The following MBNL1 variants were observed in gnomAD, a reference collection of about 807,000 sequenced individuals.
MBNL1 encodes muscleblind-like protein 1.
MBNL1 carries 8 observed loss-of-function variants against 42.2 expected under a neutral mutation model. That is an observed-to-expected ratio of 0.19 (90% CI 0.11 to 0.34). The LOEUF (loss-of-function observed/expected upper bound fraction) is 0.34, where lower values mean the gene tolerates loss of function less well. Among genes scored for constraint, MBNL1 ranks in the 10% least tolerant of loss-of-function variants. MBNL1 has a pLI of 1.00. For missense variants in MBNL1, 309 were observed against 495.3 expected, an observed-to-expected ratio of 0.62 and a Z score of 3.57; for synonymous variants, 169 against 173.9, an observed-to-expected ratio of 0.97 and a Z score of 0.22.
In MBNL1 at chr3:152,353,469, A is replaced by G. The variant is rs146269576; in HGVS notation, c.174+53102A>G. Reference sequence around the variant, plus strand: ...ATAGTGCGTAGGAATTGACCAAGCCACTAGGTGATTTGTCTCCTTTTTTGT... The same window carrying G: ...ATAGTGCGTAGGAATTGACCAAGCCGCTAGGTGATTTGTCTCCTTTTTTGT... On this transcript the variant is annotated intron_variant, in intron 2 of 9. Transcript: ENST00000324210. 6.6e-5 allele frequency among the ~76,000 whole-genome samples: 10 copies of G among 152,316 alleles called. No individual in the cohort carries two copies. The East Asian group carries it at 1.2e-3, about 18-fold the overall frequency.
At chr3:152,309,351 C>G (rs1378665056) in intron 2 of MBNL1, among the ~76,000 whole-genome samples, 2 of 152,106 alleles carry the variant, frequency 1.3e-5, no homozygotes, top group Non-Finnish European at 2.9e-5. Flanking sequence ...CTGAAGCTGT[C>G]TAGATTTATT....
intron 3 of MBNL1, among the ~76,000 whole-genome samples, chr3:152,431,696 T>G (rs1344547840): frequency 1.3e-5 from 2 of 152,172 alleles, no homozygotes; most frequent in Non-Finnish European, 2.9e-5. Context: ...GCTTTTGTGT[T>G]TCAGAAACAA....
chr3:152,391,836 C>A (rs139310138), intron 2 of MBNL1, among the ~76,000 whole-genome samples: 245 of 152,296 alleles, frequency 1.6e-3, no homozygotes, highest in African/African-American at 5.6e-3. Flanking sequence ...CTCTGGCTTG[C>A]TGAATCTGTC....
chr3:152,310,960 G>A (rs1359010118), intron 2 of MBNL1, among the ~76,000 whole-genome samples: 1 of 142,840 alleles, frequency 7.0e-6, no homozygotes, highest in African/African-American at 2.6e-5. Context: ...AATCACAAAA[G>A]TAGTATAACT....
chr3:152,349,428 C>T lies in MBNL1; in HGVS notation c.174+49061C>T, dbSNP rs189485386. ...ACATATCTTATTTTTAAAAGAATAG[C>T]TGAATGTGACATATCCATGGCATGT... On this transcript the variant is annotated intron_variant, in intron 2 of 9. Coordinates refer to ENST00000324210, the MANE Select transcript of MBNL1 (RefSeq NM_021038.5). Among the ~76,000 whole-genome samples, 12 of 151,922 alleles carry T rather than the reference C, an allele frequency of 7.9e-5. No homozygotes were observed. In the East Asian group the frequency reaches 2.1e-3, roughly 27 times the overall value.
At chr3:152,372,962 T>G (rs2096736422) in intron 2 of MBNL1, among the ~76,000 whole-genome samples, 1 of 152,192 alleles carries the variant, frequency 6.6e-6, no homozygotes, top group South Asian at 2.1e-4. Context: ...AGCCCCTGAC[T>G]GGGGCTGCTG....
intron 2 of MBNL1, among the ~76,000 whole-genome samples, chr3:152,383,269 A>C (rs2097261932): frequency 6.6e-6 from 1 of 152,068 alleles, no homozygotes; most frequent in Non-Finnish European, 1.5e-5. Context: ...ATTCTTACAA[A>C]GTCCACCAAA....
intron 1 of MBNL1, 161 bp downstream of exon 1, chr3:152,269,253 A>C: frequency 3.2e-6 from 1 of 315,366 alleles, no homozygotes; most frequent in South Asian, 2.3e-5. Context: ...GTCCCTCAGC[A>C]CCTCCTGCCC....
intron 3 of MBNL1, 51 bp from the exon 4 acceptor site, chr3:152,432,666 A>T (rs761523885): frequency 1.3e-6 from 2 of 1,507,448 alleles, no homozygotes; most frequent in Non-Finnish European, 1.8e-6. Flanking sequence ...AAGAATATCA[A>T]CTTTGAGCTG....
At chr3:152,315,387 T>C (rs866668848) in intron 2 of MBNL1, among the ~76,000 whole-genome samples, 1 of 152,200 alleles carries the variant, frequency 6.6e-6, no homozygotes, top group African/African-American at 2.4e-5. Flanking sequence ...AAACTCCCTA[T>C]TACTGGATAT....
chr3:152,420,835 A>AGTTT lies in MBNL1; in HGVS notation c.345+5724_345+5725insGTTT, dbSNP rs1247393556. On this transcript the variant is annotated intron_variant, in intron 3 of 9. Transcript: ENST00000324210. ...ACAAACTCCTCTGAGCTAAAGGAACATGTTTTAACCCAATGCAAGGAAGTT... is the reference window on the plus strand; with the variant it reads ...ACAAACTCCTCTGAGCTAAAGGAACAGTTTTGTTTTAACCCAATGCAAGGAAGTT... Among the ~76,000 whole-genome samples, 635 of 152,352 alleles carry AGTTT rather than the reference A, an allele frequency of 4.2e-3. 5 individuals carry two copies. The highest frequency in any genetic ancestry group is 0.014 in the African/African-American group (586 of 41,582).
At chr3:152,369,081 C>G (rs868410672) in intron 2 of MBNL1, among the ~76,000 whole-genome samples, 5 of 152,196 alleles carry the variant, frequency 3.3e-5, no homozygotes, top group African/African-American at 1.2e-4. Context: ...GCATCCTTAT[C>G]TTGTGCCAGT....
At chr3:152,367,437 A>AT (rs2096454030) in intron 2 of MBNL1, among the ~76,000 whole-genome samples, 1 of 152,162 alleles carries the variant, frequency 6.6e-6, no homozygotes, top group East Asian at 1.9e-4. Flanking sequence ...ATTGATGGGC[A>AT]TTTGGATCGG....
intron 6 of MBNL1, among the ~76,000 whole-genome samples, chr3:152,448,068 T>C (rs1350497599): frequency 1.3e-5 from 2 of 152,216 alleles, no homozygotes; most frequent in Non-Finnish European, 2.9e-5. Context: ...CACTTATATA[T>C]GTCTGTCAAG....
chr3:152,284,491 C>G (rs571966188), intron 1 of MBNL1, among the ~76,000 whole-genome samples: 2 of 151,990 alleles, frequency 1.3e-5, no homozygotes, highest in Admixed American at 6.6e-5. Flanking sequence ...TCAGTGCTTT[C>G]TTTCTGACAG....
At chr3:152,458,045 A>T (rs1322163403) in intron 8 of MBNL1, 36 of 1,072,892 alleles carry the variant, frequency 3.4e-5, no homozygotes, top group Non-Finnish European at 4.8e-5. Context: ...ATGCCACAAA[A>T]TGCAGCCTGC....
chr3:152,384,919 T>C (rs1050845747), intron 2 of MBNL1, among the ~76,000 whole-genome samples: 1 of 152,076 alleles, frequency 6.6e-6, no homozygotes, highest in Non-Finnish European at 1.5e-5. Context: ...GATTCCTCAA[T>C]GGAAATGTTC....
intron 2 of MBNL1, among the ~76,000 whole-genome samples, chr3:152,249,762 TAA>T (rs2034175219): frequency 7.4e-6 from 1 of 135,664 alleles, no homozygotes; most frequent in Admixed American, 7.6e-5. Flanking sequence ...GTCTAACGGT[TAA>T]GTCTTTAATC....
chr3:152,262,319 A>G (rs2036431621), intron 2 of MBNL1, among the ~76,000 whole-genome samples: 1 of 152,192 alleles, frequency 6.6e-6, no homozygotes, highest in Non-Finnish European at 1.5e-5. Flanking sequence ...AATGGGACAA[A>G]TGTTGTTCTT....
Sources: gnomAD v4.1 joint callset for allele counts (sites outside exome capture counted in the v4.1 genomes callset) on GRCh38, gnomAD v4.1.1 for gene constraint, MANE v1.5 for transcripts, NCBI Gene and HGNC (gene_info 2026-07-23, HGNC 2026-07-21) for gene names.